Variants in IL34 observed in about 807,000 individuals in gnomAD.
IL34 encodes the protein interleukin-34.
Under a neutral mutation model 25.3 loss-of-function variants are expected in IL34, and 17 were observed. That is an observed-to-expected ratio of 0.67 (90% confidence interval 0.46 to 1.01). The LOEUF is 1.01. Ranked by LOEUF, IL34 falls within the 50% of genes least tolerant of loss-of-function variation. The pLI is 0.00. For missense variants in IL34, 368 were observed against 312.9 expected, an observed-to-expected ratio of 1.18 and a Z score of -1.33; for synonymous variants, 174 against 140.9, an observed-to-expected ratio of 1.23 and a Z score of -1.66.
intron 1 of IL34, among the ~76,000 whole-genome samples, chr16:70,618,500 G>C (rs1194510368): frequency 6.6e-6 from 1 of 152,354 alleles, no homozygotes; most frequent in Non-Finnish European, 1.5e-5. Context: ...GAGAAATGTA[G>C]AGAGTGAGTT....
At chr16:70,650,355 G>C (rs150327553) in intron 1 of IL34, among the ~76,000 whole-genome samples, 100 of 152,350 alleles carry the variant, frequency 6.6e-4, no homozygotes, top group African/African-American at 2.2e-3. Flanking sequence ...TGCCCAGTTG[G>C]GGGAGAGGCA....
chr16:70,634,745 C>T (rs992172163), intron 1 of IL34, among the ~76,000 whole-genome samples: 16 of 151,986 alleles, frequency 1.1e-4, no homozygotes, highest in African/African-American at 3.6e-4. Flanking sequence ...TTACCACCAC[C>T]AGCCACCTGG....
intron 1 of IL34, among the ~76,000 whole-genome samples, chr16:70,602,047 C>G (rs1383039561): frequency 1.3e-5 from 2 of 152,214 alleles, no homozygotes; most frequent in Non-Finnish European, 2.9e-5. Context: ...CTGGAGTGGA[C>G]TGCCCTGACA....
At chr16:70,657,902 T>C (rs151163704) in intron 4 of IL34, among the ~76,000 whole-genome samples, 1 of 152,152 alleles carries the variant, frequency 6.6e-6, no homozygotes, top group Non-Finnish European at 1.5e-5. Context: ...TTATGGACTT[T>C]AGTTAATTAA....
intron 1 of IL34, among the ~76,000 whole-genome samples, chr16:70,581,439 C>T (rs6499322): frequency 0.99 from 149,837 of 151,620 alleles, 74,035 homozygotes; most frequent in East Asian, 1. Flanking sequence ...ATTGTTTTTT[C>T]CCCCCTTTTC....
At chr16:70,624,076 G>T (rs1029678398) in intron 1 of IL34, among the ~76,000 whole-genome samples, 1 of 152,062 alleles carries the variant, frequency 6.6e-6, no homozygotes, top group South Asian at 2.1e-4. Context: ...CCGAGAAGGA[G>T]TCAGTCAGAG....
At chr16:70,637,699 C>T (rs1567457226) in intron 1 of IL34, among the ~76,000 whole-genome samples, 1 of 152,160 alleles carries the variant, frequency 6.6e-6, no homozygotes, top group Non-Finnish European at 1.5e-5. Context: ...TTTTTATATA[C>T]ATATATAAGG....
At chr16:70,592,597 TA>T (rs532419775) in intron 1 of IL34, among the ~76,000 whole-genome samples, 35 of 152,186 alleles carry the variant, frequency 2.3e-4, no homozygotes, top group African/African-American at 6.0e-4. Context: ...TAAACTTCCT[TA>T]AAAAAAATCA....
rs1222778179 is a variant in IL34 at position 70,627,421 on chromosome 16, TCCCTCCTCTCCCCTCC to T, written c.-400-19120_-400-19105del. Among the ~76,000 whole-genome samples the T allele has an allele frequency of 8.9e-3, 1,261 of 141,458 alleles. 29 individuals carry two copies. Among genetic ancestry groups the T allele is most frequent in the African/African-American group, 0.032 (1,201 of 37,210 alleles). 92.8% of individuals were successfully genotyped at this position (141,458 alleles called of 152,430 possible). A position where few individuals can be genotyped will look rare whatever the true frequency, so the allele number is the denominator to read the frequency against. ...ATCCCTCCCTCCCTCCAAAGGTGCA[TCCCTCCTCTCCCCTCC>T]CCCTCCGCTCCCCTCCCCCTCCTCC... On this transcript the variant is annotated intron_variant, in intron 1 of 6. Coordinates refer to the IL34 transcript ENST00000429149.
chr16:70,605,280 C>A (rs900508896), intron 1 of IL34, among the ~76,000 whole-genome samples: 1 of 152,152 alleles, frequency 6.6e-6, no homozygotes, highest in African/African-American at 2.4e-5. Flanking sequence ...GAGTCCAGGA[C>A]CCTCTTCCTT....
intron 4 of IL34, 55 bp downstream of exon 4, chr16:70,657,176 C>T (rs758633533): frequency 6.4e-7 from 1 of 1,570,848 alleles, no homozygotes; most frequent in Non-Finnish European, 8.7e-7. Flanking sequence ...CACGTGTGTA[C>T]ATGTGTGTGA....
chr16:70,623,329 G>A (rs2051320116), intron 1 of IL34, among the ~76,000 whole-genome samples: 1 of 151,994 alleles, frequency 6.6e-6, no homozygotes, highest in Non-Finnish European at 1.5e-5. Context: ...GGATAGGAGA[G>A]TATATGGGTT....
intron 1 of IL34, among the ~76,000 whole-genome samples, chr16:70,638,776 C>T (rs1017399615): frequency 6.6e-6 from 1 of 152,086 alleles, no homozygotes; most frequent in Non-Finnish European, 1.5e-5. Flanking sequence ...GAGATTAGGT[C>T]TCTCTATGTT....
At chr16:70,589,365 A>G (rs1162723041) in intron 1 of IL34, among the ~76,000 whole-genome samples, 1 of 152,086 alleles carries the variant, frequency 6.6e-6, no homozygotes, top group African/African-American at 2.4e-5. Context: ...CCCAATAGTT[A>G]TCTTTTCTGT....
At chr16:70,625,881 G>A (rs1456726178) in intron 1 of IL34, among the ~76,000 whole-genome samples, 2 of 152,224 alleles carry the variant, frequency 1.3e-5, no homozygotes, top group East Asian at 3.8e-4. Flanking sequence ...TTTGAAATTG[G>A]TGAGATGTTT....
At chr16:70,634,169 G>A (rs2151854058) in intron 1 of IL34, among the ~76,000 whole-genome samples, 1 of 151,974 alleles carries the variant, frequency 6.6e-6, no homozygotes, top group South Asian at 2.1e-4. Flanking sequence ...CTTCTTATCA[G>A]GACACCAGTC....
chr16:70,615,107 C>T (rs1444830110), intron 1 of IL34, among the ~76,000 whole-genome samples: 2 of 152,162 alleles, frequency 1.3e-5, no homozygotes, highest in African/African-American at 2.4e-5. Flanking sequence ...CCCTGTTACC[C>T]CCCAAATCTC....
At chr16:70,592,918 A>G (rs1189225482) in intron 1 of IL34, among the ~76,000 whole-genome samples, 7 of 152,054 alleles carry the variant, frequency 4.6e-5, no homozygotes, top group Non-Finnish European at 5.9e-5. Context: ...CTCCCAAAGT[A>G]CTGGGATTAC....
intron 1 of IL34, among the ~76,000 whole-genome samples, chr16:70,580,280 C>G (rs1364317658): frequency 1.3e-5 from 2 of 152,200 alleles, no homozygotes; most frequent in African/African-American, 4.8e-5. Context: ...CTTCATCAGC[C>G]TTGCAGGAAA....
Sources: gnomAD v4.1 joint callset for allele counts (sites outside exome capture counted in the v4.1 genomes callset) on GRCh38, gnomAD v4.1.1 for gene constraint, MANE v1.5 for transcripts, NCBI Gene and HGNC (gene_info 2026-07-23, HGNC 2026-07-21) for gene names.